CAPN9: variants seen among roughly 807,000 people sequenced by gnomAD.
CAPN9 encodes the protein calpain-9.
In CAPN9, 81 loss-of-function variants were observed where a neutral mutation model predicts 92.8. The observed-to-expected ratio is 0.87, with a 90% CI of 0.73 to 1.05. CAPN9 has a LOEUF of 1.05. CAPN9 is among the 50% of genes least tolerant of loss of function. The pLI is 0.00. For synonymous variants in CAPN9, 304 were observed against 328.0 expected (o/e 0.93, Z 0.79); for missense variants, 848 against 866.2 (o/e 0.98, Z 0.26).
intron 1 of CAPN9, 107 bp from the exon 2 acceptor site, chr1:230,755,230 C>T (rs957974710): frequency 5.9e-6 from 5 of 849,966 alleles, no homozygotes; most frequent in Non-Finnish European, 9.5e-6. Flanking sequence ...GAATCAAGCA[C>T]AGGGAAAGCC....
At chr1:230,783,783 G>C (rs1667386621) in intron 11 of CAPN9, among the ~76,000 whole-genome samples, 1 of 152,220 alleles carries the variant, frequency 6.6e-6, no homozygotes, top group Non-Finnish European at 1.5e-5. Context: ...TTTGGAAGTA[G>C]ATAACAGGCA....
chr1:230,762,836 C>A, intron 4 of CAPN9, 50 bp downstream of exon 4: 1 of 1,584,988 alleles, frequency 6.3e-7, no homozygotes, highest in Admixed American at 1.8e-5. Flanking sequence ...GGAGTCTCTA[C>A]ACTAGTCTTT....
chr1:230,769,668 TCTATCTATCTATCTAC>T (rs1287360378), intron 6 of CAPN9, among the ~76,000 whole-genome samples: 2 of 117,988 alleles, frequency 1.7e-5, no homozygotes, highest in Non-Finnish European at 3.8e-5. Context: ...TATCTATCTA[TCTATCTATCTATCTAC>T]ATCACACAGT....
intron 9 of CAPN9, 36 bp downstream of exon 9, chr1:230,779,169 CAA>C: frequency 1.2e-6 from 2 of 1,602,968 alleles, no homozygotes; most frequent in Non-Finnish European, 1.7e-6. Context: ...CTGCCACTCC[CAA>C]GTGTCCCTTC....
intron 19 of CAPN9, among the ~76,000 whole-genome samples, chr1:230,799,567 A>G (rs1018428665): frequency 7.2e-5 from 11 of 152,252 alleles, no homozygotes; most frequent in African/African-American, 2.7e-4. Context: ...CATAAATAGT[A>G]TCTCAAAAAT....
chr1:230,751,676 AAAGAAAGAAGG>A (rs1358646910), intron 1 of CAPN9, among the ~76,000 whole-genome samples: 6 of 132,430 alleles, frequency 4.5e-5, no homozygotes, highest in African/African-American at 1.1e-4. Flanking sequence ...AGAAAGAAAG[AAAGAAAGAAGG>A]GTGGCTTTTC....
chr1:230,748,104 C>CAGAGCT, intron 1 of CAPN9, among the ~76,000 whole-genome samples: 1 of 152,282 alleles, frequency 6.6e-6, no homozygotes, highest in East Asian at 1.9e-4. Context: ...GCTTCTGGCC[C>CAGAGCT]AGAGCTGAGG....
At chr1:230,796,917 C>A (rs760642434) in intron 18 of CAPN9, among the ~76,000 whole-genome samples, 1 of 152,166 alleles carries the variant, frequency 6.6e-6, no homozygotes, top group African/African-American at 2.4e-5. Context: ...ATTAGATTTG[C>A]CTGGAGAACT....
At chr1:230,796,369 A>G (rs963017631) in intron 18 of CAPN9, among the ~76,000 whole-genome samples, 6 of 149,610 alleles carry the variant, frequency 4.0e-5, no homozygotes, top group African/African-American at 1.5e-4. Context: ...TAAATAAATA[A>G]ATAATAAAAT....
At chr1:230,785,010 A>G (rs759895070) in intron 11 of CAPN9, among the ~76,000 whole-genome samples, 1 of 152,224 alleles carries the variant, frequency 6.6e-6, no homozygotes, top group Non-Finnish European at 1.5e-5. Flanking sequence ...TAGGACATGG[A>G]GTCAAAGGAG....
At chr1:230,752,325 C>A (rs2986386) in intron 1 of CAPN9, among the ~76,000 whole-genome samples, 63,169 of 151,732 alleles carry the variant, frequency 0.42, 13,233 homozygotes, top group Non-Finnish European at 0.43. Context: ...CACACCAATT[C>A]CCAGAAACAC....
Position 230,769,221 on chromosome 1 carries a change from T to C in CAPN9, c.747T>C (p.Gly249=). 1 of 1,614,186 alleles carries C rather than the reference T, an allele frequency of 6.2e-7. No homozygotes were observed. The highest frequency in any genetic ancestry group is 8.5e-7 in the Non-Finnish European group (1 of 1,180,014). The part of the protein sequence containing the change: ...AAESEARTPF[G]LIKGHAYSVT... ...AATCTGAGGCCCGGACGCCGTTTGG[T>C]CTTATTAAGGGTCATGCCTACAGTG... is the stretch of plus-strand genomic sequence containing the variant. Residue 249 remains glycine (G), a synonymous_variant, in exon 6 of 20, where the codon GGT becomes GGC. Coordinates refer to ENST00000271971, the MANE Select transcript of CAPN9 (RefSeq NM_006615.3).
At chr1:230,797,794 T>C (rs970612342) in intron 18 of CAPN9, among the ~76,000 whole-genome samples, 12 of 152,178 alleles carry the variant, frequency 7.9e-5, no homozygotes, top group African/African-American at 2.4e-4. Flanking sequence ...ACTAACAACT[T>C]TCAGATTCAT....
intron 1 of CAPN9, among the ~76,000 whole-genome samples, chr1:230,751,253 T>C (rs1313830752): frequency 1.3e-5 from 2 of 152,142 alleles, no homozygotes; most frequent in Admixed American, 1.3e-4. Context: ...TTGTCAGTTG[T>C]TCTGGGACAG....
In CAPN9 at chr1:230,800,292, AAG is replaced by A. The variant is rs1188455384; in HGVS notation, c.2047-1276_2047-1275del. Reference sequence around the variant, plus strand: ...AAAGAAAGAAAGAAAGAAAGAAAGAAAGAAAGAAAGAAAGGAAAAACAAGAGA... The same window carrying A: ...AAAGAAAGAAAGAAAGAAAGAAAGAAAAAGAAAGAAAGGAAAAACAAGAGA... On this transcript the variant is annotated intron_variant, in intron 19 of 19. Transcript: ENST00000271971. Among the ~76,000 whole-genome samples, 82 of 111,958 alleles carry A rather than the reference AAG, an allele frequency of 7.3e-4. 5 individuals are homozygous for A. The highest frequency in any genetic ancestry group is 2.6e-3 in the African/African-American group (79 of 30,082). 73.4% of individuals were successfully genotyped at this position (111,958 alleles called of 152,430 possible).
At chr1:230,791,969 T>G in intron 15 of CAPN9, 41 bp downstream of exon 15, 5 of 1,420,340 alleles carry the variant, frequency 3.5e-6, no homozygotes, top group Non-Finnish European at 3.0e-6. Flanking sequence ...ACATGGATCC[T>G]GGGCTTTAAG....
At chr1:230,765,210 A>AACACAC (rs1256969555) in intron 4 of CAPN9, among the ~76,000 whole-genome samples, 1 of 97,936 alleles carries the variant, frequency 1.0e-5, no homozygotes, top group Non-Finnish European at 2.0e-5. Context: ...GAACACATGC[A>AACACAC]AGACACACAC....
At chr1:230,758,864 A>G (rs1665427959) in intron 2 of CAPN9, among the ~76,000 whole-genome samples, 1 of 152,360 alleles carries the variant, frequency 6.6e-6, no homozygotes, top group East Asian at 1.9e-4. Context: ...CAGTGTGGGC[A>G]AAGGAATGCC....
At chr1:230,778,844 A>T (rs943621576) in intron 8 of CAPN9, 129 bp from the exon 9 acceptor site, 1 of 792,240 alleles carries the variant, frequency 1.3e-6, no homozygotes, top group Non-Finnish European at 1.9e-6. Context: ...CACACTTTGC[A>T]GTCCCCCCAC....
Sources: allele counts gnomAD v4.1 joint callset (sites outside exome capture counted in the v4.1 genomes callset), GRCh38; gene constraint gnomAD v4.1.1; transcripts MANE v1.5; gene names NCBI Gene and HGNC (gene_info 2026-07-23, HGNC 2026-07-21).